Variants in POLD3 observed in about 807,000 individuals in gnomAD.
POLD3 encodes the protein DNA polymerase delta subunit 3.
In POLD3, 19 loss-of-function variants were observed where a neutral mutation model predicts 58.2. The observed-to-expected ratio is 0.33, with a 90% CI of 0.23 to 0.48. The LOEUF is 0.48. Among genes scored for constraint, POLD3 ranks in the 20% least tolerant of loss-of-function variants. The probability of loss-of-function intolerance (pLI) is 0.99; values close to 1 mark genes in which losing one functional copy is unlikely to be tolerated. For synonymous variants in POLD3, 172 were observed against 193.5 expected (o/e 0.89, Z 0.92); for missense variants, 504 against 545.5 (o/e 0.92, Z 0.76).
At chr11:74,646,891 G>C (rs1389194458), downstream of POLD3, among the ~76,000 whole-genome samples, 1 of 152,218 alleles carries the variant, frequency 6.6e-6, no homozygotes, top group African/African-American at 2.4e-5. Flanking sequence ...CATAATGACG[G>C]TACAGTGCAG....
intron 9 of POLD3, among the ~76,000 whole-genome samples, chr11:74,630,969 A>G (rs1007295828): frequency 1.3e-5 from 2 of 152,230 alleles, no homozygotes; most frequent in Admixed American, 6.5e-5. Context: ...AAGAAATGCA[A>G]TAGAGGTACA....
At chr11:74,604,523 A>G in intron 2 of POLD3, 169 bp from the exon 3 acceptor site, 1 of 577,200 alleles carries the variant, frequency 1.7e-6, no homozygotes, top group East Asian at 2.9e-5. Context: ...TCCTGTCTGA[A>G]GTCCATCCTT....
At chr11:74,611,024 T>G (rs1053781592) in intron 3 of POLD3, among the ~76,000 whole-genome samples, 2 of 152,032 alleles carry the variant, frequency 1.3e-5, no homozygotes, top group African/African-American at 4.8e-5. Flanking sequence ...ATCCACCCAC[T>G]TCGGCCTCCC....
intron 4 of POLD3, among the ~76,000 whole-genome samples, chr11:74,655,875 A>G (rs765728627): frequency 2.6e-5 from 4 of 152,190 alleles, no homozygotes; most frequent in Non-Finnish European, 5.9e-5. Flanking sequence ...TAAGATGAGA[A>G]AAGTAAAAGT....
chr11:74,600,557 C>A (rs1191856645), intron 2 of POLD3, among the ~76,000 whole-genome samples: 4 of 151,892 alleles, frequency 2.6e-5, no homozygotes, highest in African/African-American at 4.8e-5. Flanking sequence ...ATCACTTGAA[C>A]CTAGGAGGCA....
intron 4 of POLD3, among the ~76,000 whole-genome samples, chr11:74,654,822 C>T (rs1249498689): frequency 7.3e-6 from 1 of 137,866 alleles, no homozygotes. Flanking sequence ...AAATAGCAGT[C>T]TCAGTGACGA....
At chr11:74,651,753 C>T (rs974489755) in intron 4 of POLD3, among the ~76,000 whole-genome samples, 2 of 152,182 alleles carry the variant, frequency 1.3e-5, no homozygotes, top group Middle Eastern at 3.4e-3. Context: ...GCCTGGTGAC[C>T]AACAGGGAGG....
At position 74,642,574 on chromosome 11, in the gene POLD3, T is replaced by C; in HGVS notation, c.*1808T>C. ...TGGAGTTCCATCTTGCAAGGGATAA[T>C]ACAAATCCTATGATCTCTATGCCCA... On this transcript the variant is annotated 3_prime_UTR_variant, in exon 12 of 12. Transcript: ENST00000263681. 1 of 985,352 alleles carries C rather than the reference T, an allele frequency of 1.0e-6. No homozygotes were observed. Among genetic ancestry groups the C allele is most frequent in the Non-Finnish European group, 1.2e-6 (1 of 829,868 alleles). 61.0% of individuals were successfully genotyped at this position (985,352 alleles called of 1,614,324 possible).
intron 4 of POLD3, among the ~76,000 whole-genome samples, chr11:74,666,553 GGAGA>G (rs141160521): frequency 1.5e-3 from 228 of 150,018 alleles, no homozygotes; most frequent in African/African-American, 5.1e-3. Context: ...CCCAGGAAGT[GGAGA>G]GAGAGAGAGA....
intron 4 of POLD3, among the ~76,000 whole-genome samples, chr11:74,665,391 A>ATTTTTTTTTTTTTTTTTTTTTTTTTTTT (rs1202426924): frequency 1.2e-5 from 1 of 83,308 alleles, no homozygotes; most frequent in Non-Finnish European, 2.1e-5. Context: ...CCCTTTTATA[A>ATTTTTTTTTTTTTTTTTTTTTTTTTTTT]TTTTTTTTTT....
At chr11:74,593,738 G>A (rs1565108025) in intron 1 of POLD3, among the ~76,000 whole-genome samples, 1 of 151,964 alleles carries the variant, frequency 6.6e-6, no homozygotes, top group Non-Finnish European at 1.5e-5. Context: ...TTGGCTGGTG[G>A]CCCCCAAAAA....
intron 5 of POLD3, among the ~76,000 whole-genome samples, chr11:74,614,709 C>CAA (rs5792660): frequency 6.8e-4 from 100 of 145,986 alleles, no homozygotes; most frequent in African/African-American, 1.4e-3. Flanking sequence ...GACTCCAGCT[C>CAA]AAAAAAAAAA....
exon 5 of POLD3, chr11:74,669,107 C>G (rs1565138081): frequency 1.8e-5 from 4 of 216,514 alleles, no homozygotes; most frequent in Non-Finnish European, 3.7e-5. Context: ...TTAGCACCAT[C>G]TTGCTGTGTG....
chr11:74,662,773 G>A (rs922443020), intron 4 of POLD3, among the ~76,000 whole-genome samples: 1 of 152,118 alleles, frequency 6.6e-6, no homozygotes, highest in African/African-American at 2.4e-5. Flanking sequence ...AGTCCTTGTG[G>A]CACAGACTGC....
chr11:74,632,416 T>G (rs939522942), intron 9 of POLD3, among the ~76,000 whole-genome samples: 1 of 152,246 alleles, frequency 6.6e-6, no homozygotes, highest in South Asian at 2.1e-4. Context: ...GGACATTCTT[T>G]ATGTCTGTGT....
At position 74,634,603 on chromosome 11, in the gene POLD3, G is replaced by C; in HGVS notation, c.1027G>C (p.Ala343Pro). The C allele has an allele frequency of 6.2e-7, 1 of 1,606,942 alleles. No homozygotes were observed. Among genetic ancestry groups the C allele is most frequent in the Non-Finnish European group, 8.5e-7 (1 of 1,173,566 alleles). ...TTCAGTCTTTCCAGACTCTCCTGGG[G>C]CTTATGAAGCTGAGTCACCATCCCC... The part of the protein sequence containing the change: ...EDEVFPDSPG[A>P]YEAESPSPPP... The change falls in exon 10 of 12, where the codon GCT (alanine) becomes CCT (proline). Residue 343 changes from alanine (A) to proline (P), a missense_variant. Physicochemically the swap from Ala to Pro is conservative, Grantham distance 27. Around this residue, in one of 2 missense-constraint regions of POLD3, gnomAD observed 385 missense variants for 370.5 expected, o/e 1.04. Transcript: ENST00000263681.
At chr11:74,608,470 A>C (rs1034864916) in intron 3 of POLD3, among the ~76,000 whole-genome samples, 1 of 152,006 alleles carries the variant, frequency 6.6e-6, no homozygotes, top group Non-Finnish European at 1.5e-5. Flanking sequence ...TCTCTCATCA[A>C]CTAGCCGTGT....
chr11:74,606,628 A>T (rs555981865), intron 3 of POLD3, among the ~76,000 whole-genome samples: 34 of 152,292 alleles, frequency 2.2e-4, no homozygotes, highest in Non-Finnish European at 4.1e-4. Context: ...ATTTTTACTC[A>T]AACTGACCCA....
At chr11:74,621,049 A>G (rs1398086164) in intron 7 of POLD3, among the ~76,000 whole-genome samples, 2 of 152,132 alleles carry the variant, frequency 1.3e-5, no homozygotes, top group Non-Finnish European at 2.9e-5. Context: ...GTGAATGGAA[A>G]ATGTGATACT....
Sources: gnomAD v4.1 joint callset for allele counts (sites outside exome capture counted in the v4.1 genomes callset) on GRCh38, gnomAD v4.1.1 for gene constraint, gnomAD v4.1.1 regional missense constraint, MANE v1.5 for transcripts, NCBI Gene and HGNC (gene_info 2026-07-23, HGNC 2026-07-21) for gene names.